FGF21: variants seen among roughly 807,000 people sequenced by gnomAD.
FGF21 encodes fibroblast growth factor 21.
FGF21 carries 13 observed loss-of-function variants against 13.4 expected under a neutral mutation model. The ratio of observed to expected loss-of-function variants is 0.97; its 90% CI spans 0.63 to 1.54. FGF21 has a LOEUF of 1.54. Among genes scored for constraint, FGF21 ranks in the 40% most tolerant of loss-of-function variants. The probability of loss-of-function intolerance (pLI) is 0.00; values close to 1 mark genes in which losing one functional copy is unlikely to be tolerated. For missense variants in FGF21, 303 were observed against 272.4 expected (o/e 1.11, Z -0.79); for synonymous variants, 124 against 123.6 (o/e 1.00, Z -0.02).
At position 48,757,960 on chromosome 19, in the gene FGF21, C is replaced by T. The variant is rs756306204; in HGVS notation, c.370C>T (p.Arg124Trp). 66 of 1,588,104 alleles carry T rather than the reference C, an allele frequency of 4.2e-5. No individual in the cohort carries two copies. Among genetic ancestry groups the T allele is most frequent in the Admixed American group, 5.3e-5 (3 of 56,462 alleles). ...LHFDPEACSFRELLLEDGYNV... is the reference protein window; with the variant it reads ...LHFDPEACSFWELLLEDGYNV... ...CTTTGACCCTGAGGCCTGCAGCTTC[C>T]GGGAGCTGCTTCTTGAGGACGGATA... The change falls in exon 4 of 4, where the codon CGG (arginine) becomes TGG (tryptophan). Residue 124 changes from arginine (R) to tryptophan (W), a missense_variant. Transcript: ENST00000593756.
chr19:48,757,801 G>A (rs1177259877), intron 3 of FGF21, 129 bp from the exon 4 acceptor site: 9 of 820,124 alleles, frequency 1.1e-5, no homozygotes, highest in South Asian at 3.7e-5. Context: ...TGGACCCCTG[G>A]GTCTGAGGGA....
At position 48,757,923 on chromosome 19, in the gene FGF21, C is replaced by A; in HGVS notation, c.340-7C>A. 1 of 1,537,220 alleles carries A rather than the reference C, an allele frequency of 6.5e-7. No homozygotes were observed. The highest frequency in any genetic ancestry group is 1.3e-5 in the South Asian group (1 of 79,510). On this transcript the variant is annotated splice_region_variant and splice_polypyrimidine_tract_variant and intron_variant, in intron 3 of 3. Transcript: ENST00000593756. ...ACCCTGTCTCTGATCCTGTTTTTGT[C>A]CCCTAGCTCCACTTTGACCCTGAGG... is the stretch of plus-strand genomic sequence containing the variant.
chr19:48,755,785 G>T lies in FGF21; in HGVS notation c.-347+1G>T, dbSNP rs1214399198. The T allele has an allele frequency of 6.2e-6, 1 of 160,276 alleles. No homozygotes were observed. Among genetic ancestry groups the T allele is most frequent in the Non-Finnish European group, 1.4e-5 (1 of 73,604 alleles). 9.9% of individuals were successfully genotyped at this position (160,276 alleles called of 1,614,324 possible). ...AGCACCCCTCCTCCCTCCGACTCAG[G>T]TGCTTGAGACCCCAGATCCTTCTCT... On this transcript the variant is annotated splice_donor_variant, in intron 1 of 3. Transcript: ENST00000593756. LOFTEE classifies it low-confidence loss of function (5UTR_SPLICE).
chr19:48,757,038 C>T lies in FGF21; in HGVS notation c.339+9C>T, dbSNP rs143765320. ...GGGCCCTGTATGGATCGGTGAGTTT[C>T]CAGGACCCTCCTCACCACCCACCAT... On this transcript the variant is annotated intron_variant, in intron 3 of 3. Coordinates refer to ENST00000593756, the MANE Select transcript of FGF21 (RefSeq NM_019113.4). 4 of 1,604,528 alleles carry T rather than the reference C, an allele frequency of 2.5e-6. No individual in the cohort carries two copies. The African/African-American group carries it at 5.3e-5, about 21-fold the overall frequency.
At position 48,756,462 on chromosome 19, in the gene FGF21, A is replaced by C. The variant is rs965607160; in HGVS notation, c.226A>C (p.Ser76Arg). Residue 76 changes from serine (S) to arginine (R), a missense_variant, in exon 2 of 4, where the codon AGC becomes CGC. Transcript: ENST00000593756. The stretch of plus-strand genomic sequence containing the variant: ...GACGGTGGGGGGCGCTGCTGACCAG[A>C]GCCCCGAAAGTGAGTGTGGGCCAGA... ...DGTVGGAADQ[S>R]PESLLQLKAL... 7.4e-6 allele frequency: 12 copies of C among 1,612,162 alleles called. No homozygotes were observed. The highest frequency in any genetic ancestry group is 1.0e-5 in the Non-Finnish European group (12 of 1,179,630).
rs2034146204 is a variant in FGF21, at chr19:48,758,271, A to G, written c.*51A>G. The G allele has an allele frequency of 1.4e-6, 2 of 1,432,358 alleles. No homozygotes were observed. The highest frequency in any genetic ancestry group is 2.9e-5 in the South Asian group (2 of 70,006). The allele number at this position is 1,432,358 out of a possible 1,614,324, so 88.7% of individuals were successfully genotyped here. Reference sequence around the variant, plus strand: ...CTCCTCTTTATTTATTAGGTTATTTATCTTATTTATTTTTTTATTTTTCTT... The same window carrying G: ...CTCCTCTTTATTTATTAGGTTATTTGTCTTATTTATTTTTTTATTTTTCTT... On this transcript the variant is annotated 3_prime_UTR_variant, in exon 4 of 4. Coordinates refer to ENST00000593756, the MANE Select transcript of FGF21 (RefSeq NM_019113.4).
At chr19:48,757,864 T>C in intron 3 of FGF21, 66 bp from the exon 4 acceptor site, 1 of 1,463,912 alleles carries the variant, frequency 6.8e-7, no homozygotes, top group Non-Finnish European at 9.1e-7. Flanking sequence ...GGCTGGGGCC[T>C]GGATCCTGGG....
intron 3 of FGF21, among the ~76,000 whole-genome samples, 186 bp from the exon 4 acceptor site, chr19:48,757,730 TCTGAGGGAGGAGGC>T (rs2034132080): frequency 7.8e-6 from 1 of 128,896 alleles, no homozygotes; most frequent in Admixed American, 8.0e-5. Context: ...GAACCCCGGG[TCTGAGGGAGGAGGC>T]GCTGGGGGCC....
rs1320476025 is a variant in FGF21, at chr19:48,757,987, A to G, written c.397A>G (p.Asn133Asp). The G allele has an allele frequency of 4.4e-6, 7 of 1,608,618 alleles. No individual in the cohort carries two copies. Among genetic ancestry groups the G allele is most frequent in the Non-Finnish European group, 5.9e-6 (7 of 1,177,400 alleles). The change falls in exon 4 of 4, where the codon AAT (asparagine) becomes GAT (aspartate). Residue 133 changes from asparagine to aspartate, a missense_variant. By Grantham distance (23) the Asn-to-Asp change is conservative. Transcript: ENST00000593756. ...GGAGCTGCTTCTTGAGGACGGATAC[A>G]ATGTTTACCAGTCCGAAGCCCACGG... is the stretch of plus-strand genomic sequence containing the variant. ...FRELLLEDGY[N>D]VYQSEAHGLP... is the part of the protein sequence containing the mutation.
Position 48,756,295 on chromosome 19 carries a change from G to C in FGF21, c.59G>C (p.Gly20Ala). 6.2e-7 allele frequency: 1 copy of C among 1,614,084 alleles called. No individual in the cohort carries two copies. The highest frequency in any genetic ancestry group is 8.5e-7 in the Non-Finnish European group (1 of 1,180,016). Residue 20 changes from glycine (G) to alanine (A), a missense_variant, in exon 2 of 4, where the codon GGT (glycine) becomes GCT (alanine). By Grantham distance (60) the Gly-to-Ala change is moderately conservative. Coordinates refer to ENST00000593756, the MANE Select transcript of FGF21 (RefSeq NM_019113.4). ...HSGLWVSVLA[G>A]LLLGACQAHP... Reference sequence around the variant, plus strand: ...GGACTGTGGGTTTCTGTGCTGGCTGGTCTTCTGCTGGGAGCCTGCCAGGCA... The same window carrying C: ...GGACTGTGGGTTTCTGTGCTGGCTGCTCTTCTGCTGGGAGCCTGCCAGGCA...
chr19:48,756,663 G>GGA (rs1317095754), intron 2 of FGF21, among the ~76,000 whole-genome samples, 192 bp downstream of exon 2: 18 of 150,260 alleles, frequency 1.2e-4, no homozygotes, highest in African/African-American at 2.7e-4. Context: ...GAGGGGCTGG[G>GGA]TCTGGACCCC....
rs2034088284 is a variant in FGF21, at chr19:48,756,153, AC to A, written c.-83del. ...AGGCCACCTGAGTCTACTCACCTGGACAACTGGAATCTGGCACCAATTCTAA... is the reference window on the plus strand; with the variant it reads ...AGGCCACCTGAGTCTACTCACCTGGAAACTGGAATCTGGCACCAATTCTAA... On this transcript the variant is annotated 5_prime_UTR_variant, in exon 2 of 4. Coordinates refer to ENST00000593756, the MANE Select transcript of FGF21 (RefSeq NM_019113.4). 2 of 1,214,736 alleles carry A rather than the reference AC, an allele frequency of 1.6e-6. No homozygotes were observed. The highest frequency in any genetic ancestry group is 4.2e-5 in the Admixed American group (2 of 48,090). The allele number at this position is 1,214,736 out of a possible 1,614,324, so 75.2% of individuals were successfully genotyped here.
Position 48,758,323 on chromosome 19 carries a change from G to A in FGF21, c.*103G>A. 8.5e-7 allele frequency: 1 copy of A among 1,171,398 alleles called. No homozygotes were observed. Among genetic ancestry groups the A allele is most frequent in the Non-Finnish European group, 1.2e-6 (1 of 860,852 alleles). 72.6% of individuals were successfully genotyped at this position (1,171,398 alleles called of 1,614,324 possible). ...CTTGAGATAATAAAGAGTTCCAGAGGAGGATAAGAATGAGCATGTGTGAGT... is the reference window on the plus strand; with the variant it reads ...CTTGAGATAATAAAGAGTTCCAGAGAAGGATAAGAATGAGCATGTGTGAGT... On this transcript the variant is annotated 3_prime_UTR_variant, in exon 4 of 4. Coordinates refer to ENST00000593756, the MANE Select transcript of FGF21 (RefSeq NM_019113.4).
Position 48,756,385 on chromosome 19 carries a change from A to G in FGF21, c.149A>G (p.Tyr50Cys), listed in dbSNP as rs1473901387. The change falls in exon 2 of 4, where the codon TAC becomes TGC. Residue 50 changes from tyrosine to cysteine, a missense_variant. Physicochemically the swap from Tyr to Cys is radical, Grantham distance 194. Coordinates refer to ENST00000593756, the MANE Select transcript of FGF21 (RefSeq NM_019113.4). ...FGGQVRQRYL[Y>C]TDDAQQTEAH... Reference sequence around the variant, plus strand: ...GGCCAAGTCCGGCAGCGGTACCTCTACACAGATGATGCCCAGCAGACAGAA... The same window carrying G: ...GGCCAAGTCCGGCAGCGGTACCTCTGCACAGATGATGCCCAGCAGACAGAA... The G allele has an allele frequency of 4.3e-6, 7 of 1,614,000 alleles. No individual in the cohort carries two copies. In the East Asian group the frequency reaches 6.7e-5, roughly 15 times the overall value.
intron 3 of FGF21, 48 bp from the exon 4 acceptor site, chr19:48,757,882 T>A: frequency 6.7e-7 from 1 of 1,500,814 alleles, no homozygotes; most frequent in Non-Finnish European, 8.9e-7. Flanking sequence ...GGGTCTTACA[T>A]CAGGAAAACA....
chr19:48,756,790 G>C (rs549998260), intron 2 of FGF21, 136 bp from the exon 3 acceptor site: 1 of 752,690 alleles, frequency 1.3e-6, no homozygotes, highest in African/African-American at 1.7e-5. Context: ...GCTTCTCCTG[G>C]GTCTGAGGGA....
chr19:48,757,778 A>G (rs2034133298), intron 3 of FGF21, 152 bp from the exon 4 acceptor site: 2 of 602,010 alleles, frequency 3.3e-6, no homozygotes, highest in Admixed American at 6.1e-5. Flanking sequence ...CGGATGGAGG[A>G]GAAACTAGGG....
rs2034115937 is a variant in FGF21, at chr19:48,757,021, T to C, written c.331T>C (p.Tyr111His). The C allele has an allele frequency of 6.2e-7, 1 of 1,613,576 alleles. No homozygotes were observed. Among genetic ancestry groups the C allele is most frequent in the Non-Finnish European group, 8.5e-7 (1 of 1,179,534 alleles). ...GTGCCAGCGGCCAGATGGGGCCCTG[T>C]ATGGATCGGTGAGTTTCCAGGACCC... is the stretch of plus-strand genomic sequence containing the variant. ...FLCQRPDGAL[Y>H]GSLHFDPEAC... is the part of the protein sequence containing the mutation. The change falls in exon 3 of 4, where the codon TAT becomes CAT. Residue 111 changes from tyrosine (Y) to histidine (H), a missense_variant. By Grantham distance (83) the Tyr-to-His change is moderately conservative. Coordinates refer to ENST00000593756, the MANE Select transcript of FGF21 (RefSeq NM_019113.4).
At chr19:48,756,565 T>G in intron 2 of FGF21, 94 bp downstream of exon 2, 1 of 396,572 alleles carries the variant, frequency 2.5e-6, no homozygotes. Context: ...CCTTGGCCCC[T>G]GGGTCTGAGG....
Sources: allele counts gnomAD v4.1 joint callset (sites outside exome capture counted in the v4.1 genomes callset), GRCh38; gene constraint gnomAD v4.1.1; transcripts MANE v1.5; gene names NCBI Gene and HGNC (gene_info 2026-07-23, HGNC 2026-07-21).